The following KIZ variants were observed in gnomAD, a reference collection of about 807,000 sequenced individuals.
The protein encoded by KIZ is centrosomal protein kizuna.
A neutral mutation model predicts 79.6 loss-of-function variants in KIZ; 68 were observed. The ratio of observed to expected loss-of-function variants is 0.85; its 90% CI spans 0.70 to 1.05. The LOEUF is 1.05. KIZ is among the 50% of genes least tolerant of loss of function. The pLI is 0.00. For synonymous variants in KIZ, 280 were observed against 281.8 expected (o/e 0.99, Z 0.06); for missense variants, 797 against 800.4 (o/e 1.00, Z 0.05).
At chr20:21,200,244 C>A (rs2035534956) in intron 6 of KIZ, among the ~76,000 whole-genome samples, 1 of 152,072 alleles carries the variant, frequency 6.6e-6, no homozygotes, top group Non-Finnish European at 1.5e-5. Context: ...AATGAGACAC[C>A]TGCCCCCATA....
intron 7 of KIZ, among the ~76,000 whole-genome samples, chr20:21,207,506 C>T (rs1295054669): frequency 7.6e-6 from 1 of 131,888 alleles, no homozygotes; most frequent in Non-Finnish European, 1.6e-5. Context: ...CCCCCCACTT[C>T]ACCCACCTTC....
intron 3 of KIZ, among the ~76,000 whole-genome samples, chr20:21,140,948 G>A (rs1019567482): frequency 7.2e-5 from 11 of 152,082 alleles, no homozygotes; most frequent in Non-Finnish European, 1.0e-4. Flanking sequence ...TGAGGTTATA[G>A]TGAGCTATGA....
At chr20:21,210,992 C>T (rs2036044000) in intron 7 of KIZ, among the ~76,000 whole-genome samples, 1 of 152,034 alleles carries the variant, frequency 6.6e-6, no homozygotes, top group Non-Finnish European at 1.5e-5. Flanking sequence ...TAAATTTGGA[C>T]ATTTTGTTGC....
At chr20:21,160,274 A>G (rs547971904) in intron 4 of KIZ, among the ~76,000 whole-genome samples, 1 of 152,146 alleles carries the variant, frequency 6.6e-6, no homozygotes, top group Admixed American at 6.5e-5. Context: ...TCCCCCATGG[A>G]CCATATGCCA....
intron 7 of KIZ, among the ~76,000 whole-genome samples, chr20:21,212,020 T>A (rs1600556074): frequency 6.6e-6 from 1 of 151,846 alleles, no homozygotes; most frequent in African/African-American, 2.4e-5. Flanking sequence ...ACCTGGGAGG[T>A]GGAGGTTACA....
chr20:21,238,547 C>G (rs1317039823), intron 11 of KIZ, among the ~76,000 whole-genome samples: 1 of 152,164 alleles, frequency 6.6e-6, no homozygotes, highest in Non-Finnish European at 1.5e-5. Context: ...TCTTTCCTGG[C>G]TGCTGTCTTG....
intron 6 of KIZ, among the ~76,000 whole-genome samples, chr20:21,185,249 T>C (rs948216880): frequency 5.3e-5 from 8 of 152,228 alleles, no homozygotes; most frequent in African/African-American, 1.9e-4. Flanking sequence ...TCTCACTTTT[T>C]TTCTGACGGT....
chr20:21,142,287 T>C (rs897633138), intron 3 of KIZ, among the ~76,000 whole-genome samples: 16 of 152,122 alleles, frequency 1.1e-4, no homozygotes, highest in African/African-American at 2.7e-4. Flanking sequence ...CATGGTATTA[T>C]AATTGTTTAC....
chr20:21,208,658 C>T (rs1024828973), intron 7 of KIZ, among the ~76,000 whole-genome samples: 2 of 151,298 alleles, frequency 1.3e-5, no homozygotes, highest in Non-Finnish European at 2.9e-5. Context: ...ACCGAGATTG[C>T]GCCACTGCAC....
Position 21,214,623 on chromosome 20 carries a change from C to A in KIZ, c.1535C>A (p.Ser512Tyr). 1 of 1,612,214 alleles carries A rather than the reference C, an allele frequency of 6.2e-7. No homozygotes were observed. The highest frequency in any genetic ancestry group is 8.5e-7 in the Non-Finnish European group (1 of 1,178,340). ...AGTGAATCATCTTGCAGCTTGCCAT[C>A]TATTCTGAATGACAATAGTGGAATA... ...HSSESSCSLP[S>Y]ILNDNSGIKE... Residue 512 changes from serine to tyrosine, a missense_variant, in exon 8 of 13, where the codon TCT (serine) becomes TAT (tyrosine). Physicochemically the swap from Ser to Tyr is moderately radical, Grantham distance 144 (BLOSUM62 -2). Coordinates refer to ENST00000619189, the MANE Select transcript of KIZ (RefSeq NM_018474.6).
At chr20:21,160,945 A>AG (rs2033624941) in intron 4 of KIZ, 1 of 153,428 alleles carries the variant, frequency 6.5e-6, no homozygotes, top group Non-Finnish European at 1.4e-5. Context: ...CCCAGCCTCC[A>AG]GAACTATCAG....
intron 9 of KIZ, among the ~76,000 whole-genome samples, chr20:21,222,548 G>A (rs983090378): frequency 2.6e-5 from 4 of 152,166 alleles, no homozygotes; most frequent in Non-Finnish European, 5.9e-5. Flanking sequence ...GGGTTGGAGT[G>A]TATTATTTTC....
At chr20:21,175,879 G>A (rs2034410102) in intron 6 of KIZ, among the ~76,000 whole-genome samples, 1 of 152,164 alleles carries the variant, frequency 6.6e-6, no homozygotes, top group Admixed American at 6.5e-5. Context: ...AGCCAGTCAT[G>A]GTGGCACACG....
rs755731853 is a variant in KIZ, at chr20:21,163,083, GA to G, written c.1283del (p.Asn428IlefsTer7). 2.5e-6 allele frequency: 4 copies of G among 1,613,612 alleles called. No homozygotes were observed. Among genetic ancestry groups the G allele is most frequent in the South Asian group, 1.1e-5 (1 of 91,064 alleles). ...GCAAGAAAGAGTTGCCCTATCCACT[GA>G]AAAAAATTGTATTTTGCAAACCCTA... ...AEQERVALST[E>X]KNCILQTLSS... On this transcript the variant is annotated frameshift_variant, in exon 6 of 13. Transcript: ENST00000619189. LOFTEE classifies it high-confidence loss of function.
chr20:21,225,913 A>T (rs2036639258), intron 9 of KIZ, among the ~76,000 whole-genome samples: 1 of 152,182 alleles, frequency 6.6e-6, no homozygotes, highest in Non-Finnish European at 1.5e-5. Context: ...AAAAATCTTC[A>T]TACAGCTGAT....
At chr20:21,245,481 AC>A (rs1161882562) in intron 12 of KIZ, 1 of 152,216 alleles carries the variant, frequency 6.6e-6, no homozygotes, top group Non-Finnish European at 1.5e-5. Flanking sequence ...ATTAATACTT[AC>A]CTTGCCAGGC....
intron 6 of KIZ, among the ~76,000 whole-genome samples, chr20:21,186,748 C>G (rs1163461394): frequency 2.0e-5 from 3 of 151,958 alleles, no homozygotes; most frequent in Non-Finnish European, 2.9e-5. Context: ...AAACTCAAAT[C>G]TAACAGGCTG....
At position 21,131,541 on chromosome 20, in the gene KIZ, T is replaced by C. The variant is rs754016136; in HGVS notation, c.90-556T>C. Among the ~76,000 whole-genome samples, 10 of 152,344 alleles carry C rather than the reference T, an allele frequency of 6.6e-5. No individual in the cohort carries two copies. In the East Asian group the frequency reaches 1.9e-3, roughly 29 times the overall value. On this transcript the variant is annotated intron_variant, in intron 1 of 12. Transcript: ENST00000619189. ...CAGAGCAAGCCACCAGTCTTCAATC[T>C]GTACACAAGATCTGATGGGACCCCA... is the stretch of plus-strand genomic sequence containing the variant.
At chr20:21,164,955 T>G (rs1384003488) in intron 6 of KIZ, among the ~76,000 whole-genome samples, 1 of 152,218 alleles carries the variant, frequency 6.6e-6, no homozygotes, top group Admixed American at 6.5e-5. Flanking sequence ...AAGGTGGTTT[T>G]AAATGATGCT....
Sources: allele counts gnomAD v4.1 joint callset (sites outside exome capture counted in the v4.1 genomes callset), GRCh38; gene constraint gnomAD v4.1.1; transcripts MANE v1.5; gene names NCBI Gene and HGNC (gene_info 2026-07-23, HGNC 2026-07-21).